Variants in ZNF7 observed in about 807,000 individuals in gnomAD.
ZNF7 encodes zinc finger protein 7.
In ZNF7, 10 loss-of-function variants were observed where a neutral mutation model predicts 12.0. That is an observed-to-expected ratio of 0.83 (90% confidence interval 0.51 to 1.42). The LOEUF is 1.42. Among genes scored for constraint, ZNF7 ranks in the 40% most tolerant of loss-of-function variants. The pLI, the probability that ZNF7 is intolerant of heterozygous loss-of-function variation, is 0.00. For missense variants in ZNF7, 854 were observed against 837.2 expected (o/e 1.02, Z -0.25); for synonymous variants, 334 against 295.0 (o/e 1.13, Z -1.35).
In ZNF7 at chr8:144,841,730, C is replaced by T; in HGVS notation, c.623C>T (p.Thr208Ile). ...CEECGKGIRA[T>I]SDIALHWEIN... The stretch of plus-strand genomic sequence containing the variant: ...GAGTGTGGCAAAGGCATCAGAGCCA[C>T]TTCAGATATCGCTCTGCATTGGGAA... Residue 208 changes from threonine to isoleucine, a missense_variant, in exon 5 of 5, where the codon ACT becomes ATT. By Grantham distance (89) the Thr-to-Ile change is moderately conservative. Transcript: ENST00000532777. The T allele has an allele frequency of 6.2e-7, 1 of 1,614,132 alleles. No homozygotes were observed. Among genetic ancestry groups the T allele is most frequent in the Non-Finnish European group, 8.5e-7 (1 of 1,180,040 alleles).
rs777903102 is a variant in ZNF7, at chr8:144,842,572, C to T, written c.1465C>T (p.Arg489Ter). The change falls in exon 5 of 5, where the codon CGA becomes TGA. Residue 489 changes from arginine to a stop codon, truncating the protein, a stop_gained. Transcript: ENST00000532777. LOFTEE classifies it low-confidence loss of function (END_TRUNC). ...VQGSHLIQHQ[R>*]IHTGEKPYVC... ...GGGCTCACACCTTATTCAGCATCAG[C>T]GAATCCACACTGGAGAGAAACCCTA... The T allele has an allele frequency of 9.3e-6, 15 of 1,612,440 alleles. No homozygotes were observed. Among genetic ancestry groups the T allele is most frequent in the East Asian group, 2.2e-5 (1 of 44,732 alleles).
chr8:144,842,336 A>G lies in ZNF7; in HGVS notation c.1229A>G (p.Glu410Gly). 4 of 1,614,044 alleles carry G rather than the reference A, an allele frequency of 2.5e-6. No homozygotes were observed. The highest frequency in any genetic ancestry group is 3.4e-6 in the Non-Finnish European group (4 of 1,180,046). Reference protein sequence around the residue: ...LVAHQRIHAVEKPFKCDECGK... With the variant: ...LVAHQRIHAVGKPFKCDECGK... ...GCACATCAGAGAATTCACGCTGTAGAGAAACCATTTAAGTGTGATGAGTGT... is the reference window on the plus strand; with the variant it reads ...GCACATCAGAGAATTCACGCTGTAGGGAAACCATTTAAGTGTGATGAGTGT... The change falls in exon 5 of 5, where the codon GAG (glutamate) becomes GGG (glycine). Residue 410 changes from glutamate to glycine, a missense_variant. Coordinates refer to ENST00000532777, the MANE Select transcript of ZNF7 (RefSeq NM_003416.4).
At chr8:144,836,754 C>G (rs1226211129) in intron 3 of ZNF7, 2 of 152,370 alleles carry the variant, frequency 1.3e-5, no homozygotes, top group Non-Finnish European at 2.9e-5. Flanking sequence ...GGATCAACTG[C>G]TCATCTCTGT....
downstream of ZNF7, among the ~76,000 whole-genome samples, chr8:144,844,385 G>A (rs2953888): frequency 5.5e-3 from 836 of 152,228 alleles, 13 homozygotes; most frequent in African/African-American, 0.019. Context: ...AGGGGGGAAC[G>A]CGGTGAGGAG....
chr8:144,828,619 A>AT (rs796522064), intron 1 of ZNF7: 3 of 185,352 alleles, frequency 1.6e-5, no homozygotes, highest in African/African-American at 7.0e-5. Context: ...GAAGTGACCC[A>AT]TTACACTGAA....
Position 144,843,221 on chromosome 8 carries a change from A to AGG in ZNF7, c.*53_*54insGG, listed in dbSNP as rs1830204411. On this transcript the variant is annotated 3_prime_UTR_variant, in exon 5 of 5. Coordinates refer to ENST00000532777, the MANE Select transcript of ZNF7 (RefSeq NM_003416.4). ...GTGAATAAACCTATAGCCTTAACTT[A>AGG]CTTATTTTATATGGAATCGTTTATA... 1.3e-6 allele frequency: 2 copies of AGG among 1,496,078 alleles called. No homozygotes were observed. The highest frequency in any genetic ancestry group is 2.8e-5 in the African/African-American group (2 of 70,788). 92.7% of individuals were successfully genotyped at this position (1,496,078 alleles called of 1,614,324 possible).
rs528899445 is a variant in ZNF7, at chr8:144,841,818, G to C, written c.711G>C (p.Gln237His). 6.2e-7 allele frequency: 1 copy of C among 1,614,196 alleles called. No individual in the cohort carries two copies. The highest frequency in any genetic ancestry group is 1.3e-5 in the African/African-American group (1 of 75,056). ...AAAAAAAGTTATCTGACTGCTTGCA[G>C]GGGAAACATACAAATAACTGCCATG... ...ECQKKLSDCL[Q>H]GKHTNNCHGE... Residue 237 changes from glutamine (Q) to histidine (H), a missense_variant, in exon 5 of 5, where the codon CAG becomes CAC. Coordinates refer to ENST00000532777, the MANE Select transcript of ZNF7 (RefSeq NM_003416.4).
At chr8:144,838,294 C>G (rs568673197) in intron 4 of ZNF7, 1 of 585,886 alleles carries the variant, frequency 1.7e-6, no homozygotes, top group Non-Finnish European at 3.1e-6. Context: ...AATTAATCTG[C>G]AACGACTGTG....
At chr8:144,829,783 T>C in intron 3 of ZNF7, 179 bp downstream of exon 3, 1 of 723,566 alleles carries the variant, frequency 1.4e-6, no homozygotes, top group Non-Finnish European at 2.0e-6. Context: ...TGTCATGGGG[T>C]TCAGCCCCCA....
chr8:144,827,950 C>G (rs916000330), intron 1 of ZNF7: 6 of 152,530 alleles, frequency 3.9e-5, no homozygotes, highest in African/African-American at 1.4e-4. Context: ...GCCCTGACTC[C>G]TCCTGCGAAA....
rs11995708 is a variant in ZNF7, at chr8:144,828,888, C to T, written c.-45-155C>T. 6.5e-3 allele frequency: 5,974 copies of T among 917,064 alleles called. 233 individuals carry two copies. The African/African-American group carries it at 0.088, about 14-fold the overall frequency. The allele number at this position is 917,064 out of a possible 1,614,324, so 56.8% of individuals were successfully genotyped here. On this transcript the variant is annotated intron_variant, in intron 1 of 4. Coordinates refer to ENST00000532777, the MANE Select transcript of ZNF7 (RefSeq NM_003416.4). ...ACAAGAGTTCAGTGGGCCTCCTTCA[C>T]TCAAGTGCCATGGCTGCTTCAGCCC...
downstream of ZNF7, among the ~76,000 whole-genome samples, chr8:144,843,968 C>T (rs1331345556): frequency 6.6e-6 from 1 of 152,168 alleles, no homozygotes; most frequent in Non-Finnish European, 1.5e-5. Flanking sequence ...AGCCCTATCC[C>T]CTTCCTCAGA....
At position 144,843,034 on chromosome 8, in the gene ZNF7, T is replaced by C. The variant is rs1221348585; in HGVS notation, c.1927T>C (p.Phe643Leu). The C allele has an allele frequency of 1.2e-6, 2 of 1,614,198 alleles. No homozygotes were observed. The highest frequency in any genetic ancestry group is 1.7e-4 in the Middle Eastern group (1 of 6,060). The change falls in exon 5 of 5, where the codon TTT (phenylalanine) becomes CTT (leucine). Residue 643 changes from phenylalanine (F) to leucine (L), a missense_variant. Coordinates refer to ENST00000532777, the MANE Select transcript of ZNF7 (RefSeq NM_003416.4). ...TCAGTGTGAAGACTGTGAGAAGATA[T>C]TTAGGTGGCGTTCACACCTAATTAT... is the stretch of plus-strand genomic sequence containing the variant. Reference protein sequence around the residue: ...LHQCEDCEKIFRWRSHLIIHQ... With the variant: ...LHQCEDCEKILRWRSHLIIHQ...
chr8:144,841,331 C>T (rs550878513), intron 4 of ZNF7, 24 bp from the exon 5 acceptor site: 142 of 1,579,154 alleles, frequency 9.0e-5, no homozygotes, highest in Middle Eastern at 3.4e-4. Flanking sequence ...GCCTAAGGAA[C>T]GTCTTTGTTC....
chr8:144,837,351 C>T (rs372910959), intron 3 of ZNF7, 40 bp from the exon 4 acceptor site: 140 of 1,541,530 alleles, frequency 9.1e-5, no homozygotes, highest in African/African-American at 7.0e-4. Flanking sequence ...GCACACTTCC[C>T]GTCATGCTGA....
intron 3 of ZNF7, among the ~76,000 whole-genome samples, chr8:144,833,032 T>A (rs1828618536): frequency 6.6e-6 from 1 of 152,038 alleles, no homozygotes. Flanking sequence ...ACCTCATCTC[T>A]ACTAAAAATA....
chr8:144,833,084 G>A (rs1487247217), intron 3 of ZNF7, among the ~76,000 whole-genome samples: 1 of 151,622 alleles, frequency 6.6e-6, no homozygotes, highest in Non-Finnish European at 1.5e-5. Context: ...TGTAATCCCA[G>A]CTACTCAGAA....
intron 4 of ZNF7, among the ~76,000 whole-genome samples, chr8:144,839,327 A>T (rs1033444445): frequency 2.6e-5 from 4 of 152,210 alleles, no homozygotes; most frequent in African/African-American, 4.8e-5. Context: ...TCTGCATGTG[A>T]TGTGTGGGAA....
At chr8:144,841,163 C>A (rs1248050360) in intron 4 of ZNF7, 192 bp from the exon 5 acceptor site, 1 of 622,962 alleles carries the variant, frequency 1.6e-6, no homozygotes, top group Non-Finnish European at 2.8e-6. Context: ...AATGAGTGAA[C>A]AAGGTAAAAA....
Sources: allele counts gnomAD v4.1 joint callset (sites outside exome capture counted in the v4.1 genomes callset), GRCh38; gene constraint gnomAD v4.1.1; transcripts MANE v1.5; gene names NCBI Gene and HGNC (gene_info 2026-07-23, HGNC 2026-07-21).